Variants in EP300 observed in about 807,000 individuals in gnomAD.
EP300 encodes the protein EP300 lysine acetyltransferase.
Under a neutral mutation model 264.0 loss-of-function variants are expected in EP300, and 31 were observed. The ratio of observed to expected loss-of-function variants is 0.12; its 90% CI spans 0.09 to 0.16. EP300 has a LOEUF of 0.16. Ranked by LOEUF, EP300 falls within the 10% of genes least tolerant of loss-of-function variation. EP300 has a pLI of 1.00. For missense variants in EP300, 2,766 were observed against 3,052.9 expected (o/e 0.91, Z 2.21); for synonymous variants, 1,340 against 1,045.4 (o/e 1.28, Z -5.44).
chr22:41,101,023 T>C (rs1382561260), intron 1 of EP300, among the ~76,000 whole-genome samples: 1 of 152,144 alleles, frequency 6.6e-6, no homozygotes, highest in East Asian at 1.9e-4. Context: ...AAAACATTGT[T>C]CTTGTTAGAA....
At chr22:41,132,310 A>G (rs1244302868) in intron 6 of EP300, among the ~76,000 whole-genome samples, 1 of 87,218 alleles carries the variant, frequency 1.1e-5, no homozygotes, top group Non-Finnish European at 2.1e-5. Context: ...TTTTTTTGAG[A>G]TGGAGTCTCG....
Position 41,168,429 on chromosome 22 carries a change from T to A in EP300, c.3875-20T>A. 6.2e-7 allele frequency: 1 copy of A among 1,613,920 alleles called. No homozygotes were observed. Among genetic ancestry groups the A allele is most frequent in the Non-Finnish European group, 8.5e-7 (1 of 1,179,930 alleles). On this transcript the variant is annotated intron_variant, in intron 23 of 30. Coordinates refer to ENST00000263253, the MANE Select transcript of EP300 (RefSeq NM_001429.4). ...ACAGTAAATTTGCACCTCAGTAACTTTTAACTTTTACATTCCTAGGGTTGC... is the reference window on the plus strand; with the variant it reads ...ACAGTAAATTTGCACCTCAGTAACTATTAACTTTTACATTCCTAGGGTTGC...
At chr22:41,165,361 C>G (rs2059128465) in intron 22 of EP300, among the ~76,000 whole-genome samples, 1 of 152,206 alleles carries the variant, frequency 6.6e-6, no homozygotes, top group South Asian at 2.1e-4. Context: ...CTCAGCTTCT[C>G]TCTTCCCACC....
Position 41,152,293 on chromosome 22 carries a change from C to G in EP300, c.3085C>G (p.Gln1029Glu). ...AACTGAAATAAAAGAGGAGGAAGAC[C>G]AGCCAAGTACTTCAGCTACCCAGTC... The part of the protein sequence containing the change: ...LKTEIKEEED[Q>E]PSTSATQSSP... Residue 1029 changes from glutamine to glutamate, a missense_variant, in exon 16 of 31, where the codon CAG (glutamine) becomes GAG (glutamate). Transcript: ENST00000263253. The G allele has an allele frequency of 1.9e-6, 3 of 1,614,028 alleles. No homozygotes were observed. The highest frequency in any genetic ancestry group is 2.5e-6 in the Non-Finnish European group (3 of 1,179,998).
chr22:41,164,281 C>T, intron 22 of EP300, 151 bp downstream of exon 22: 1 of 754,846 alleles, frequency 1.3e-6, no homozygotes, highest in Non-Finnish European at 2.2e-6. Context: ...TTATAGTTCG[C>T]TTTTTAAAAA....
At chr22:41,137,172 A>G (rs1435417702) in intron 7 of EP300, among the ~76,000 whole-genome samples, 1 of 151,888 alleles carries the variant, frequency 6.6e-6, no homozygotes, top group Non-Finnish European at 1.5e-5. Flanking sequence ...CAGCCTAGCC[A>G]ACATGATGAA....
chr22:41,171,750 T>A (rs887775896), intron 27 of EP300, among the ~76,000 whole-genome samples: 14 of 152,036 alleles, frequency 9.2e-5, no homozygotes, highest in African/African-American at 3.1e-4. Flanking sequence ...TAGCTGGGAT[T>A]ACAGGCATGC....
chr22:41,117,187 A>G lies in EP300; in HGVS notation c.95A>G (p.Asp32Gly). ...CTTTGTCTTTTCCCTTTGCTTTTAGATTTTGGCTCTCTATTTGACTTGGAG... is the reference window on the plus strand; with the variant it reads ...CTTTGTCTTTTCCCTTTGCTTTTAGGTTTTGGCTCTCTATTTGACTTGGAG... Reference protein sequence around the residue: ...ALSASASDGTDFGSLFDLEHD... With the variant: ...ALSASASDGTGFGSLFDLEHD... The change falls in exon 2 of 31, where the codon GAT becomes GGT. Residue 32 changes from aspartate to glycine, a missense_variant and splice_region_variant. Transcript: ENST00000263253. 6.2e-7 allele frequency: 1 copy of G among 1,613,970 alleles called. No individual in the cohort carries two copies. The highest frequency in any genetic ancestry group is 8.5e-7 in the Non-Finnish European group (1 of 1,179,948).
intron 14 of EP300, 124 bp downstream of exon 14, chr22:41,150,322 T>C (rs1363373505): frequency 8.2e-7 from 1 of 1,220,528 alleles, no homozygotes; most frequent in African/African-American, 1.5e-5. Context: ...TAGAATGTAA[T>C]CTATTTTTCA....
At chr22:41,100,707 G>T (rs1196288017) in intron 1 of EP300, among the ~76,000 whole-genome samples, 1 of 152,118 alleles carries the variant, frequency 6.6e-6, no homozygotes, top group African/African-American at 2.4e-5. Flanking sequence ...AAGTATATGG[G>T]TGGGTGTGTG....
chr22:41,142,572 G>C (rs986752830), intron 10 of EP300, among the ~76,000 whole-genome samples: 3 of 152,086 alleles, frequency 2.0e-5, no homozygotes, highest in Non-Finnish European at 2.9e-5. Context: ...ATTTGGACTT[G>C]AGTAGTAACT....
intron 1 of EP300, among the ~76,000 whole-genome samples, chr22:41,096,308 C>T (rs918095934): frequency 6.6e-6 from 1 of 152,140 alleles, no homozygotes; most frequent in Non-Finnish European, 1.5e-5. Context: ...TGAGGGTCAT[C>T]TGTTGTCTTC....
In EP300 at chr22:41,178,506, T is replaced by A. The variant is rs2145522285; in HGVS notation, c.6795T>A (p.Leu2265=). The change falls in exon 31 of 31, where the codon CTT becomes CTA. Residue 2265 remains leucine (L), a synonymous_variant. Transcript: ENST00000263253. ...TACAGGCCTATCAGCAGCGACTCCT[T>A]CAGCAACAGATGGGGTCCCCTGTTC... ...ASLQAYQQRL[L]QQQMGSPVQP... The A allele has an allele frequency of 1.2e-6, 2 of 1,613,790 alleles. No individual in the cohort carries two copies. Among genetic ancestry groups the A allele is most frequent in the African/African-American group, 1.3e-5 (1 of 74,912 alleles).
At chr22:41,130,711 A>G (rs1005633172) in intron 5 of EP300, among the ~76,000 whole-genome samples, 11 of 152,198 alleles carry the variant, frequency 7.2e-5, no homozygotes, top group African/African-American at 1.9e-4. Flanking sequence ...TTATTCTTTT[A>G]TACTATACTT....
rs773135785 is a variant in EP300, at chr22:41,137,663, A to G, written c.1633A>G (p.Ser545Gly). Residue 545 changes from serine (S) to glycine (G), a missense_variant, in exon 8 of 31, where the codon AGT becomes GGT. Transcript: ENST00000263253. ...GACCCCTTTTTGAAGCCCAATGATG[A>G]GTGAAAATGCCAGTGTGCCCTCCCT... ...SAINSQNPMM[S>G]ENASVPSLGP... 62 of 1,614,182 alleles carry G rather than the reference A, an allele frequency of 3.8e-5. No homozygotes were observed. The highest frequency in any genetic ancestry group is 5.3e-5 in the Non-Finnish European group (62 of 1,180,034).
At chr22:41,148,424 T>C (rs976342271) in intron 12 of EP300, among the ~76,000 whole-genome samples, 1 of 152,196 alleles carries the variant, frequency 6.6e-6, no homozygotes, top group Admixed American at 6.6e-5. Context: ...TTCTCACTAA[T>C]CTGCCATTTT....
chr22:41,167,586 A>ATG (rs2059144144), intron 23 of EP300, among the ~76,000 whole-genome samples: 2 of 5,230 alleles, frequency 3.8e-4, no homozygotes, highest in African/African-American at 9.6e-4. Flanking sequence ...GTGTGTGTGT[A>ATG]TATATATATA....
intron 1 of EP300, among the ~76,000 whole-genome samples, chr22:41,110,029 G>A (rs998119548): frequency 6.6e-6 from 1 of 151,022 alleles, no homozygotes; most frequent in African/African-American, 2.4e-5. Flanking sequence ...GGCCAGGCTC[G>A]AACTCTTGAC....
At position 41,179,276 on chromosome 22, in the gene EP300, A is replaced by C; in HGVS notation, c.*320A>C. 1 of 322,890 alleles carries C rather than the reference A, an allele frequency of 3.1e-6. No homozygotes were observed. The highest frequency in any genetic ancestry group is 5.8e-6 in the Non-Finnish European group (1 of 173,862). The allele number at this position is 322,890 out of a possible 1,614,324, so 20.0% of individuals were successfully genotyped here. A position where few individuals can be genotyped will look rare whatever the true frequency, so the allele number is the denominator to read the frequency against. On this transcript the variant is annotated 3_prime_UTR_variant, in exon 31 of 31. Coordinates refer to ENST00000263253, the MANE Select transcript of EP300 (RefSeq NM_001429.4). ...AATATGCTCCTGCCTTGCACCTCCAATAGGTTTTATTATTTTTTTTAAATT... is the reference window on the plus strand; with the variant it reads ...AATATGCTCCTGCCTTGCACCTCCACTAGGTTTTATTATTTTTTTTAAATT...
Sources: allele counts gnomAD v4.1 joint callset (sites outside exome capture counted in the v4.1 genomes callset), GRCh38; gene constraint gnomAD v4.1.1; transcripts MANE v1.5; gene names NCBI Gene and HGNC (gene_info 2026-07-23, HGNC 2026-07-21).